NAALADL2: variants seen among roughly 807,000 people sequenced by gnomAD.
NAALADL2 encodes N-acetylated alpha-linked acidic dipeptidase like 2.
Under a neutral mutation model 87.2 loss-of-function variants are expected in NAALADL2, and 76 were observed. The ratio of observed to expected loss-of-function variants is 0.87; its 90% CI spans 0.72 to 1.05. NAALADL2 has a LOEUF of 1.05. Among genes scored for constraint, NAALADL2 ranks in the 50% least tolerant of loss-of-function variants. The probability of loss-of-function intolerance (pLI) is 0.00; values close to 1 mark genes in which losing one functional copy is unlikely to be tolerated. For synonymous variants in NAALADL2, 354 were observed against 331.0 expected, an observed-to-expected ratio of 1.07 and a Z score of -0.75; for missense variants, 1,089 against 945.8, an observed-to-expected ratio of 1.15 and a Z score of -1.99.
intron 1 of NAALADL2, among the ~76,000 whole-genome samples, chr3:174,506,477 G>A (rs1344638634): frequency 2.6e-5 from 4 of 151,882 alleles, no homozygotes; most frequent in Non-Finnish European, 5.9e-5. Flanking sequence ...CACTACCTCC[G>A]GTCTATGTCT....
intron 2 of NAALADL2, among the ~76,000 whole-genome samples, chr3:175,217,811 C>A (rs1742785412): frequency 6.6e-6 from 1 of 152,186 alleles, no homozygotes; most frequent in Non-Finnish European, 1.5e-5. Flanking sequence ...AGAATTAAAT[C>A]ATTTCCCTTG....
chr3:175,064,727 T>C (rs940041695), intron 1 of NAALADL2, among the ~76,000 whole-genome samples: 4 of 152,154 alleles, frequency 2.6e-5, no homozygotes, highest in African/African-American at 9.7e-5. Context: ...ATGTAGCTCA[T>C]ACTTGTTAGC....
chr3:175,553,810 T>TATC (rs1473703854), intron 9 of NAALADL2, among the ~76,000 whole-genome samples: 1 of 152,094 alleles, frequency 6.6e-6, no homozygotes, highest in Non-Finnish European at 1.5e-5. Context: ...TTTAAAACAT[T>TATC]ATCAGTATTG....
intron 5 of NAALADL2, among the ~76,000 whole-genome samples, chr3:175,437,696 A>C (rs1282795504): frequency 2.0e-5 from 3 of 151,760 alleles, no homozygotes; most frequent in Non-Finnish European, 4.4e-5. Flanking sequence ...CCTGACTTCA[A>C]ACTATACTAC....
At chr3:175,263,066 T>C (rs1020004041) in intron 4 of NAALADL2, among the ~76,000 whole-genome samples, 2 of 151,426 alleles carry the variant, frequency 1.3e-5, no homozygotes, top group African/African-American at 4.8e-5. Flanking sequence ...AGCTGCTCCA[T>C]TTGTCATGGA....
chr3:175,198,261 T>G (rs1013716365), intron 2 of NAALADL2, among the ~76,000 whole-genome samples: 2 of 152,196 alleles, frequency 1.3e-5, no homozygotes, highest in Admixed American at 6.6e-5. Flanking sequence ...ATCTAGTACC[T>G]TTTCTAGTTA....
chr3:174,703,431 G>A (rs1201792110), intron 2 of NAALADL2, among the ~76,000 whole-genome samples: 1 of 151,870 alleles, frequency 6.6e-6, no homozygotes, highest in Non-Finnish European at 1.5e-5. Flanking sequence ...AGTTTTTGAA[G>A]AGCAAGAAAA....
intron 11 of NAALADL2, among the ~76,000 whole-genome samples, chr3:175,673,108 A>G (rs1734237275): frequency 6.6e-6 from 1 of 152,008 alleles, no homozygotes; most frequent in Admixed American, 6.6e-5. Flanking sequence ...TTCCCTTTTT[A>G]TTGTCTGCTC....
intron 9 of NAALADL2, among the ~76,000 whole-genome samples, chr3:175,547,678 T>G (rs946138682): frequency 9.2e-5 from 14 of 152,132 alleles, no homozygotes; most frequent in Admixed American, 6.5e-4. Context: ...AGTTCTAATA[T>G]CCAGCATCTA....
intron 11 of NAALADL2, among the ~76,000 whole-genome samples, chr3:175,659,011 T>G (rs1365243008): frequency 6.6e-6 from 1 of 152,184 alleles, no homozygotes; most frequent in East Asian, 1.9e-4. Flanking sequence ...ATTTTAATGC[T>G]CTGGACCACA....
At chr3:175,230,662 C>A (rs1410125984) in intron 2 of NAALADL2, among the ~76,000 whole-genome samples, 1 of 152,002 alleles carries the variant, frequency 6.6e-6, no homozygotes, top group African/African-American at 2.4e-5. Flanking sequence ...TGCAATCCGG[C>A]AGTTGTACTT....
intron 2 of NAALADL2, among the ~76,000 whole-genome samples, chr3:175,142,934 G>C (rs998168953): frequency 5.9e-5 from 9 of 151,902 alleles, no homozygotes; most frequent in African/African-American, 2.2e-4. Flanking sequence ...AATAATGCAT[G>C]ATCATGTAGA....
intron 5 of NAALADL2, among the ~76,000 whole-genome samples, chr3:175,372,517 C>T (rs2148954912): frequency 6.6e-6 from 1 of 152,290 alleles, no homozygotes; most frequent in African/African-American, 2.4e-5. Context: ...CTCATGGTTG[C>T]TGATAAAGGC....
intron 3 of NAALADL2, among the ~76,000 whole-genome samples, chr3:174,819,671 T>C (rs1274280444): frequency 1.3e-5 from 2 of 152,162 alleles, no homozygotes; most frequent in Non-Finnish European, 2.9e-5. Context: ...TTTATAAAAC[T>C]GAACCAGAAA....
chr3:175,580,159 T>C (rs570079579), intron 10 of NAALADL2, among the ~76,000 whole-genome samples: 7 of 152,258 alleles, frequency 4.6e-5, no homozygotes, highest in African/African-American at 1.7e-4. Flanking sequence ...TTGAAACTCT[T>C]ACTAAATTTT....
At chr3:175,042,488 C>T (rs369285357) in intron 1 of NAALADL2, among the ~76,000 whole-genome samples, 2 of 152,096 alleles carry the variant, frequency 1.3e-5, no homozygotes, top group African/African-American at 4.8e-5. Context: ...GATCACATGA[C>T]ACTTCTGTTT....
chr3:175,419,211 T>G (rs1315687320), intron 5 of NAALADL2, among the ~76,000 whole-genome samples: 1 of 151,868 alleles, frequency 6.6e-6, no homozygotes, highest in Non-Finnish European at 1.5e-5. Context: ...TCCTTCTCAG[T>G]TGCATATGAC....
chr3:174,882,849 G>A (rs1164759231), intron 1 of NAALADL2, among the ~76,000 whole-genome samples: 1 of 139,708 alleles, frequency 7.2e-6, no homozygotes, highest in African/African-American at 3.1e-5. Flanking sequence ...ATGTGCATAT[G>A]TGTATATATA....
intron 5 of NAALADL2, among the ~76,000 whole-genome samples, chr3:175,341,296 T>C (rs1306091599): frequency 6.6e-6 from 1 of 152,200 alleles, no homozygotes; most frequent in African/African-American, 2.4e-5. Flanking sequence ...AGCATAATAC[T>C]TTTAAGATTC....
Sources: allele counts gnomAD v4.1 joint callset (sites outside exome capture counted in the v4.1 genomes callset), GRCh38; gene constraint gnomAD v4.1.1; transcripts MANE v1.5; gene names NCBI Gene and HGNC (gene_info 2026-07-23, HGNC 2026-07-21).